OVOL3: variants seen among roughly 807,000 people sequenced by gnomAD.
OVOL3 encodes the protein putative transcription factor ovo-like protein 3.
Under a neutral mutation model 13.6 loss-of-function variants are expected in OVOL3, and 15 were observed. The observed-to-expected ratio is 1.11, with a 90% CI of 0.74 to 1.70. The LOEUF is 1.70. Ranked by LOEUF, OVOL3 falls within the 40% of genes most tolerant of loss-of-function variation. OVOL3 has a pLI of 0.00. For missense variants in OVOL3, 290 were observed against 280.6 expected (o/e 1.03, Z -0.24); for synonymous variants, 102 against 108.5 (o/e 0.94, Z 0.37).
rs1272840147 is a variant in OVOL3 at position 36,111,514 on chromosome 19, TC to T, written c.159+86del. 8 of 1,413,926 alleles carry T rather than the reference TC, an allele frequency of 5.7e-6. No individual in the cohort carries two copies. In the East Asian group the frequency reaches 1.7e-4, roughly 31 times the overall value. 87.6% of individuals were successfully genotyped at this position (1,413,926 alleles called of 1,614,324 possible). ...CTTAATGAAGCTGACAGCCCCTTGC[TC>T]CCCCGACCCATCTGCACACGCCCTC... On this transcript the variant is annotated intron_variant, in intron 2 of 3. Coordinates refer to ENST00000633214, the MANE Select transcript of OVOL3 (RefSeq NM_001302757.2).
intron 2 of OVOL3, among the ~76,000 whole-genome samples, chr19:36,112,453 G>C (rs981959546): frequency 3.9e-5 from 6 of 152,202 alleles, no homozygotes; most frequent in African/African-American, 1.2e-4. Context: ...CCGGGAGGCG[G>C]AGGTTGCAGT....
intron 2 of OVOL3, among the ~76,000 whole-genome samples, chr19:36,112,218 A>T (rs971296057): frequency 6.6e-6 from 1 of 151,552 alleles, no homozygotes; most frequent in Non-Finnish European, 1.5e-5. Flanking sequence ...CTCAAAAAAA[A>T]CAATAAAATT....
intron 2 of OVOL3, 77 bp from the exon 3 acceptor site, chr19:36,112,683 G>A: frequency 7.4e-7 from 1 of 1,351,480 alleles, no homozygotes. Flanking sequence ...AGGACACTCT[G>A]TAAATACTCA....
At position 36,113,586 on chromosome 19, in the gene OVOL3, G is replaced by A; in HGVS notation, c.498G>A (p.Val166=). 6.5e-7 allele frequency: 1 copy of A among 1,539,350 alleles called. No homozygotes were observed. The highest frequency in any genetic ancestry group is 8.7e-7 in the Non-Finnish European group (1 of 1,146,900). The change falls in exon 4 of 4, where the codon GTG becomes GTA. Residue 166 remains valine (V), a synonymous_variant. Transcript: ENST00000633214. ...AYRERREKLH[V]CEDCGFTSSR... ...GTGAGCGCCGCGAGAAGCTGCACGTGTGCGAGGACTGCGGCTTCACCAGCT... is the reference window on the plus strand; with the variant it reads ...GTGAGCGCCGCGAGAAGCTGCACGTATGCGAGGACTGCGGCTTCACCAGCT...
chr19:36,113,031 G>C, intron 3 of OVOL3, 67 bp downstream of exon 3: 1 of 1,452,592 alleles, frequency 6.9e-7, no homozygotes, highest in Non-Finnish European at 9.3e-7. Flanking sequence ...AATGGAGAGA[G>C]GTGCTGGGCT....
chr19:36,113,411 G>C, intron 3 of OVOL3, 42 bp from the exon 4 acceptor site: 1 of 1,514,176 alleles, frequency 6.6e-7, no homozygotes. Context: ...AGAGCCCATT[G>C]CCCTCTCTGT....
Position 36,111,259 on chromosome 19 carries a change from T to G in OVOL3, c.57T>G (p.His19Gln). The G allele has an allele frequency of 6.5e-7, 1 of 1,535,994 alleles. No individual in the cohort carries two copies. The highest frequency in any genetic ancestry group is 8.7e-7 in the Non-Finnish European group (1 of 1,146,846). The change falls in exon 1 of 4, where the codon CAT (histidine) becomes CAG (glutamine). Residue 19 changes from histidine to glutamine, a missense_variant. Coordinates refer to ENST00000633214, the MANE Select transcript of OVOL3 (RefSeq NM_001302757.2). ...SRRPQPPNWG[H>Q]LPDQLRGDAY... Reference sequence around the variant, plus strand: ...GTCCACAGCCCCCCAACTGGGGCCATCTGCCTGACCAGCTCCGGGGAGATG... The same window carrying G: ...GTCCACAGCCCCCCAACTGGGGCCAGCTGCCTGACCAGCTCCGGGGAGATG...
Position 36,113,488 on chromosome 19 carries a change from G to A in OVOL3, c.400G>A (p.Ala134Thr). 5 of 1,535,960 alleles carry A rather than the reference G, an allele frequency of 3.3e-6. No individual in the cohort carries two copies. The highest frequency in any genetic ancestry group is 4.4e-6 in the Non-Finnish European group (5 of 1,146,716). The part of the protein sequence containing the change: ...RPFRCSACGK[A>T]FTQRCSLEAH... ...CTTCCGCTGCAGTGCTTGCGGGAAA[G>A]CGTTTACGCAGCGCTGCTCCCTGGA... Residue 134 changes from alanine to threonine, a missense_variant, in exon 4 of 4, where the codon GCG becomes ACG. Transcript: ENST00000633214.
intron 2 of OVOL3, among the ~76,000 whole-genome samples, chr19:36,112,119 T>G (rs1401825343): frequency 1.3e-5 from 2 of 152,004 alleles, no homozygotes; most frequent in African/African-American, 2.4e-5. Context: ...GAGAATCAGT[T>G]GAACCTAGGA....
chr19:36,111,925 A>ATTAT (rs1488878363), intron 2 of OVOL3: 7 of 443,354 alleles, frequency 1.6e-5, no homozygotes, highest in African/African-American at 1.4e-4. Flanking sequence ...ATGTATAGAC[A>ATTAT]ATAAAATTAG....
In OVOL3 at chr19:36,113,450, C is replaced by A; in HGVS notation, c.365-3C>A. On this transcript the variant is annotated splice_polypyrimidine_tract_variant and splice_region_variant and intron_variant, in intron 3 of 3. Coordinates refer to ENST00000633214, the MANE Select transcript of OVOL3 (RefSeq NM_001302757.2). Reference sequence around the variant, plus strand: ...GCCCTCCCCTCTGCGCCCATCTGTGCAGGGATCCGGCCCTTCCGCTGCAGT... The same window carrying A: ...GCCCTCCCCTCTGCGCCCATCTGTGAAGGGATCCGGCCCTTCCGCTGCAGT... 1 of 1,533,628 alleles carries A rather than the reference C, an allele frequency of 6.5e-7. No homozygotes were observed. The highest frequency in any genetic ancestry group is 8.7e-7 in the Non-Finnish European group (1 of 1,144,806).
chr19:36,111,241 G>GC lies in OVOL3; in HGVS notation c.45dup (p.Asn16GlnfsTer7), dbSNP rs1407069697. On this transcript the variant is annotated frameshift_variant, in exon 1 of 4. Coordinates refer to ENST00000633214, the MANE Select transcript of OVOL3 (RefSeq NM_001302757.2). LOFTEE classifies it high-confidence loss of function. Reference sequence around the variant, plus strand: ...TCCTGGTCAGGAGTCGGCGTCCACAGCCCCCCAACTGGGGCCATCTGCCTG... The same window carrying GC: ...TCCTGGTCAGGAGTCGGCGTCCACAGCCCCCCCAACTGGGGCCATCTGCCTG... 2.0e-6 allele frequency: 3 copies of GC among 1,535,928 alleles called. No homozygotes were observed. Among genetic ancestry groups the GC allele is most frequent in the Non-Finnish European group, 1.7e-6 (2 of 1,146,850 alleles).
Position 36,111,310 on chromosome 19 carries a change from T to C in OVOL3, c.94+14T>C, listed in dbSNP as rs754337371. 3.3e-6 allele frequency: 5 copies of C among 1,535,822 alleles called. No homozygotes were observed. In the South Asian group the frequency reaches 5.9e-5, roughly 18 times the overall value. ...CCTATATCCCAGGTGGGCCCCTCAC[T>C]GTGCCTGGAGGTAAGGGGCAGGAGA... On this transcript the variant is annotated intron_variant, in intron 1 of 3. Transcript: ENST00000633214.
At position 36,112,956 on chromosome 19, in the gene OVOL3, C is replaced by A. The variant is rs2145901696; in HGVS notation, c.356C>A (p.Thr119Asn). The A allele has an allele frequency of 4.6e-6, 7 of 1,536,208 alleles. No homozygotes were observed. The highest frequency in any genetic ancestry group is 6.1e-6 in the Non-Finnish European group (7 of 1,146,836). ...DAFDLKRHMR[T>N]HTGIRPFRCS... ...TTCGATCTCAAGCGCCACATGAGGA[C>A]TCACACTGGTGAGCAGTGGCAGGGA... is the stretch of plus-strand genomic sequence containing the variant. The change falls in exon 3 of 4, where the codon ACT becomes AAT. Residue 119 changes from threonine (T) to asparagine (N), a missense_variant. Thr to Asn is a moderately conservative substitution (Grantham distance 65, BLOSUM62 0). Coordinates refer to ENST00000633214, the MANE Select transcript of OVOL3 (RefSeq NM_001302757.2).
rs1390349541 is a variant in OVOL3 at position 36,111,226 on chromosome 19, G to A, written c.24G>A (p.Arg8=). The part of the protein sequence containing the change: MPRAFLV[R]SRRPQPPNWG... Reference sequence around the variant, plus strand: ...GCATGCCCCGCGCCTTCCTGGTCAGGAGTCGGCGTCCACAGCCCCCCAACT... The same window carrying A: ...GCATGCCCCGCGCCTTCCTGGTCAGAAGTCGGCGTCCACAGCCCCCCAACT... Residue 8 remains arginine (R), a synonymous_variant, in exon 1 of 4, where the codon AGG becomes AGA. Coordinates refer to ENST00000633214, the MANE Select transcript of OVOL3 (RefSeq NM_001302757.2). 3.3e-6 allele frequency: 5 copies of A among 1,535,560 alleles called. No homozygotes were observed. In the African/African-American group the frequency reaches 6.8e-5, roughly 21 times the overall value.
At chr19:36,112,501 C>A (rs1973846410) in intron 2 of OVOL3, among the ~76,000 whole-genome samples, 1 of 148,310 alleles carries the variant, frequency 6.7e-6, no homozygotes, top group South Asian at 2.1e-4. Flanking sequence ...GCCTGGGCGA[C>A]AGAGCAAGAC....
chr19:36,113,423 C>A, intron 3 of OVOL3, 30 bp from the exon 4 acceptor site: 2 of 1,521,324 alleles, frequency 1.3e-6, no homozygotes, highest in Non-Finnish European at 1.8e-6. Context: ...CCTCTCTGTC[C>A]AGCCCTCCCC....
chr19:36,111,608 T>G (rs763033278), intron 2 of OVOL3, 175 bp downstream of exon 2: 2 of 743,348 alleles, frequency 2.7e-6, no homozygotes, highest in Non-Finnish European at 4.7e-6. Context: ...AGTAGTGAGC[T>G]CTCTACTGTT....
At chr19:36,112,659 C>A in intron 2 of OVOL3, 101 bp from the exon 3 acceptor site, 1 of 1,118,096 alleles carries the variant, frequency 8.9e-7, no homozygotes, top group Non-Finnish European at 1.3e-6. Flanking sequence ...CTTCCTAATC[C>A]TCCGTGGTGG....
Sources: gnomAD v4.1 joint callset for allele counts (sites outside exome capture counted in the v4.1 genomes callset) on GRCh38, gnomAD v4.1.1 for gene constraint, MANE v1.5 for transcripts, NCBI Gene and HGNC (gene_info 2026-07-23, HGNC 2026-07-21) for gene names.